CACNA1C: variants seen among roughly 807,000 people sequenced by gnomAD.
The protein encoded by CACNA1C is calcium voltage-gated channel subunit alpha1 C.
A neutral mutation model predicts 229.0 loss-of-function variants in CACNA1C; 30 were observed. The observed-to-expected ratio is 0.13, with a 90% CI of 0.10 to 0.18. CACNA1C has a LOEUF of 0.18. Ranked by LOEUF, CACNA1C falls within the 10% of genes least tolerant of loss-of-function variation. The probability of loss-of-function intolerance (pLI) is 1.00; values close to 1 mark genes in which losing one functional copy is unlikely to be tolerated. For missense variants in CACNA1C, 1,658 were observed against 2,845.0 expected (o/e 0.58, Z 9.49); for synonymous variants, 1,114 against 1,132.5 (o/e 0.98, Z 0.33).
At chr12:2,065,853 T>C (rs2059086141) in intron 1 of CACNA1C, among the ~76,000 whole-genome samples, 1 of 151,060 alleles carries the variant, frequency 6.6e-6, no homozygotes, top group African/African-American at 2.4e-5. Context: ...TTCAAAGGAG[T>C]AGTGAGTTGA....
chr12:2,400,828 G>C (rs1206550467), intron 3 of CACNA1C, among the ~76,000 whole-genome samples: 1 of 152,186 alleles, frequency 6.6e-6, no homozygotes, highest in Non-Finnish European at 1.5e-5. Flanking sequence ...CTGCTGACTG[G>C]TGACCACGGA....
At position 2,285,208 on chromosome 12, in the gene CACNA1C, C is replaced by A. The variant is rs892312784; in HGVS notation, c.478-163768C>A. Among the ~76,000 whole-genome samples the A allele has an allele frequency of 6.6e-6, 1 of 152,170 alleles. No homozygotes were observed. The highest frequency in any genetic ancestry group is 2.4e-5 in the African/African-American group (1 of 41,440). ...GGAATTTCCTCTTCCTTGGGTCAAG[C>A]GGGTGGGAAGGGCTCATGATTGCTG... On this transcript the variant is annotated intron_variant, in intron 3 of 46. Transcript: ENST00000399655. This position sits in a 1 kb window ranked among gnomAD's most constrained non-coding sequence, Gnocchi z 4.2.
Position 2,354,292 on chromosome 12 carries a change from A to T in CACNA1C, c.478-94684A>T, listed in dbSNP as rs1410103234. Among the ~76,000 whole-genome samples, 1 of 152,206 alleles carries T rather than the reference A, an allele frequency of 6.6e-6. No homozygotes were observed. The stretch of plus-strand genomic sequence containing the variant: ...GCCTGTCACAGAAGCCCTGCAGAGC[A>T]GGAAACACAGAGCAGAAAGCCACGC... On this transcript the variant is annotated intron_variant, in intron 3 of 46. Transcript: ENST00000399655. This position sits in a 1 kb window ranked among gnomAD's most constrained non-coding sequence, Gnocchi z 4.6.
intron 3 of CACNA1C, among the ~76,000 whole-genome samples, chr12:2,376,524 G>A (rs1567322409): frequency 1.3e-5 from 2 of 152,296 alleles, no homozygotes; most frequent in African/African-American, 2.4e-5. Context: ...CACAGCTTAG[G>A]CGGACAGGTG....
chr12:2,000,791 CT>C (rs2042009887), intron 1 of CACNA1C, among the ~76,000 whole-genome samples: 1 of 152,212 alleles, frequency 6.6e-6, no homozygotes, highest in Non-Finnish European at 1.5e-5. Flanking sequence ...AACCCCAGCA[CT>C]TTGGGAGGCC....
At chr12:2,334,399 C>T (rs1044852755) in intron 3 of CACNA1C, among the ~76,000 whole-genome samples, 2 of 152,196 alleles carry the variant, frequency 1.3e-5, no homozygotes, top group South Asian at 2.1e-4. Flanking sequence ...GACAGGAGCG[C>T]TGGTTCATTA....
chr12:2,193,024 G>A (rs1411645664), intron 3 of CACNA1C, among the ~76,000 whole-genome samples: 2 of 152,228 alleles, frequency 1.3e-5, no homozygotes, highest in Non-Finnish European at 2.9e-5. Flanking sequence ...ATTCCATGTA[G>A]GTTTGCATTT....
rs3058705 is a variant in CACNA1C, at chr12:2,484,909, C to CTTTT, written c.758-1185_758-1182dup. On this transcript the variant is annotated intron_variant, in intron 5 of 46. Coordinates refer to ENST00000399655, the MANE Select transcript of CACNA1C (RefSeq NM_000719.7). Reference sequence around the variant, plus strand: ...AATCATTCCAGCTTTTCTCTTCTTTCTTTTTTTTTTTTTATCTTCCCAGCT... The same window carrying CTTTT: ...AATCATTCCAGCTTTTCTCTTCTTTCTTTTTTTTTTTTTTTTTATCTTCCCAGCT... Among the ~76,000 whole-genome samples, 182 of 145,400 alleles carry CTTTT rather than the reference C, an allele frequency of 1.3e-3. 2 individuals carry two copies. The highest frequency in any genetic ancestry group is 4.9e-3 in the East Asian group (24 of 4,934).
intron 38 of CACNA1C, among the ~76,000 whole-genome samples, chr12:2,672,514 G>T (rs1488226423): frequency 6.6e-6 from 1 of 152,176 alleles, no homozygotes; most frequent in Non-Finnish European, 1.5e-5. Context: ...CTTTCTGGAG[G>T]CTCTGGGGAG....
intron 3 of CACNA1C, chr12:2,223,486 C>T (rs1305062904): frequency 6.6e-6 from 1 of 152,086 alleles, no homozygotes; most frequent in Non-Finnish European, 1.5e-5. Flanking sequence ...GAATAAGGGC[C>T]CCATAGCTGC....
intron 1 of CACNA1C, among the ~76,000 whole-genome samples, chr12:1,998,577 C>A (rs569640160): frequency 6.6e-6 from 1 of 152,176 alleles, no homozygotes; most frequent in Non-Finnish European, 1.5e-5. Context: ...AGTAAAGTTA[C>A]ACAAGTATTA....
chr12:2,332,600 A>G (rs1804100512), intron 3 of CACNA1C, among the ~76,000 whole-genome samples: 1 of 152,258 alleles, frequency 6.6e-6, no homozygotes, highest in South Asian at 2.1e-4. Context: ...ATGCACAAGT[A>G]TCTTATGACA....
rs188017650 is a variant in CACNA1C at position 2,296,274 on chromosome 12, C to T, written c.478-152702C>T. On this transcript the variant is annotated intron_variant, in intron 3 of 46. Transcript: ENST00000399655. ...CAAATGCAGGAGCACAAGGAATCTTCACCCTAGTGGCAGGGGAACCTAAAA... is the reference window on the plus strand; with the variant it reads ...CAAATGCAGGAGCACAAGGAATCTTTACCCTAGTGGCAGGGGAACCTAAAA... Among the ~76,000 whole-genome samples, 132 of 152,336 alleles carry T rather than the reference C, an allele frequency of 8.7e-4. No individual in the cohort carries two copies. The Middle Eastern group carries it at 0.01, about 12-fold the overall frequency.
intron 37 of CACNA1C, among the ~76,000 whole-genome samples, chr12:2,667,562 T>C (rs537169722): frequency 1.3e-5 from 2 of 152,240 alleles, no homozygotes; most frequent in Admixed American, 1.3e-4. Context: ...CAAAAACAGA[T>C]TTTAAGAGAT....
Position 2,449,078 on chromosome 12 carries a change from G to A in CACNA1C, c.580G>A (p.Gly194Ser), listed in dbSNP as rs753418562. 8.9e-6 allele frequency: 14 copies of A among 1,575,420 alleles called. No individual in the cohort carries two copies. Among genetic ancestry groups the A allele is most frequent in the East Asian group, 2.3e-5 (1 of 43,980 alleles). ...LFHPNAYLRN[G>S]WNLLDFIIVV... ...TCACCCCAATGCCTACCTCCGCAAC[G>A]GCTGGAACCTACTAGATTTTATAAT... Residue 194 changes from glycine to serine, a missense_variant, in exon 4 of 47, where the codon GGC (glycine) becomes AGC (serine). Around this residue, in one of 20 missense-constraint regions of CACNA1C, gnomAD observed 89 missense variants for 177.8 expected, o/e 0.50. Transcript: ENST00000399655.
At chr12:2,171,640 GA>G (rs1276961866) in intron 3 of CACNA1C, among the ~76,000 whole-genome samples, 1 of 152,104 alleles carries the variant, frequency 6.6e-6, no homozygotes, top group African/African-American at 2.4e-5. Flanking sequence ...TGCCCATCAG[GA>G]GTTGTAAATG....
chr12:2,318,799 A>C (rs1457618614), intron 3 of CACNA1C, among the ~76,000 whole-genome samples: 1 of 151,508 alleles, frequency 6.6e-6, no homozygotes, highest in African/African-American at 2.4e-5. Context: ...GGGCAGGGAG[A>C]CAGAAGGTGG....
intron 8 of CACNA1C, among the ~76,000 whole-genome samples, chr12:2,507,182 CTG>C (rs1006147955): frequency 8.5e-5 from 13 of 152,194 alleles, no homozygotes; most frequent in African/African-American, 3.1e-4. Context: ...TCGCCAGCCT[CTG>C]TTTCCTGACC....
At chr12:2,408,812 T>G (rs1044086172) in intron 3 of CACNA1C, among the ~76,000 whole-genome samples, 1 of 152,208 alleles carries the variant, frequency 6.6e-6, no homozygotes, top group African/African-American at 2.4e-5. Context: ...ATAAAACTTA[T>G]AGCTGAAAAA....
Sources: allele counts gnomAD v4.1 joint callset (sites outside exome capture counted in the v4.1 genomes callset), GRCh38; gene constraint gnomAD v4.1.1; regional missense constraint gnomAD v4.1.1; non-coding constraint Gnocchi (gnomAD v3.1); transcripts MANE v1.5; gene names NCBI Gene and HGNC (gene_info 2026-07-23, HGNC 2026-07-21).